Variants in NAALADL2 observed in about 807,000 individuals in gnomAD.
NAALADL2 encodes inactive N-acetylated-alpha-linked acidic dipeptidase-like protein 2.
A neutral mutation model predicts 87.2 loss-of-function variants in NAALADL2; 76 were observed. The ratio of observed to expected loss-of-function variants is 0.87; its 90% CI spans 0.72 to 1.05. The LOEUF (loss-of-function observed/expected upper bound fraction) is 1.05. Among genes scored for constraint, NAALADL2 ranks in the 50% least tolerant of loss-of-function variants. NAALADL2 has a pLI of 0.00. For synonymous variants in NAALADL2, 354 were observed against 331.0 expected, an observed-to-expected ratio of 1.07 and a Z score of -0.75; for missense variants, 1,089 against 945.8, an observed-to-expected ratio of 1.15 and a Z score of -1.99.
At chr3:175,689,863 T>A (rs1008749732) in intron 11 of NAALADL2, among the ~76,000 whole-genome samples, 2 of 152,130 alleles carry the variant, frequency 1.3e-5, no homozygotes, top group African/African-American at 4.8e-5. Flanking sequence ...AGAGTATTCT[T>A]GGATAAGAAT....
At chr3:174,961,152 T>A (rs905364562) in intron 1 of NAALADL2, among the ~76,000 whole-genome samples, 9 of 149,212 alleles carry the variant, frequency 6.0e-5, no homozygotes, top group African/African-American at 2.2e-4. Flanking sequence ...ATACAATGAT[T>A]TTCTCATTGT....
intron 3 of NAALADL2, among the ~76,000 whole-genome samples, chr3:174,787,575 T>TCATATATATATATATATATATATATA (rs1553855282): frequency 0.014 from 186 of 12,966 alleles, 4 homozygotes; most frequent in South Asian, 0.043. Context: ...CAATATATCA[T>TCATATATATATATATATATATATATA]CATATATATA....
intron 2 of NAALADL2, among the ~76,000 whole-genome samples, chr3:175,161,665 C>T (rs960061589): frequency 8.3e-6 from 1 of 120,266 alleles, no homozygotes; most frequent in Non-Finnish European, 1.6e-5. Flanking sequence ...AGATGTTAGA[C>T]AATAACAAAT....
chr3:175,160,118 T>C (rs1732930650), intron 2 of NAALADL2, among the ~76,000 whole-genome samples: 1 of 151,536 alleles, frequency 6.6e-6, no homozygotes. Context: ...AGATTACAAT[T>C]GTGAGTCACT....
chr3:175,439,536 T>A (rs1307401176), intron 5 of NAALADL2, among the ~76,000 whole-genome samples: 1 of 152,054 alleles, frequency 6.6e-6, no homozygotes, highest in East Asian at 1.9e-4. Flanking sequence ...ATGGCCATTC[T>A]TGCAGAAGCC....
chr3:175,479,415 A>G (rs1360594462), intron 9 of NAALADL2, among the ~76,000 whole-genome samples: 3 of 151,886 alleles, frequency 2.0e-5, no homozygotes, highest in Admixed American at 2.0e-4. Context: ...AAAGCTAAAT[A>G]GAACATGCAG....
chr3:175,439,732 T>C (rs1055261061), intron 5 of NAALADL2, among the ~76,000 whole-genome samples: 1 of 104,832 alleles, frequency 9.5e-6, no homozygotes, highest in Non-Finnish European at 2.4e-5. Flanking sequence ...TTTTTTTTTC[T>C]TTTTTTTCTT....
At chr3:175,258,548 T>C (rs1049294540) in intron 4 of NAALADL2, among the ~76,000 whole-genome samples, 1 of 152,144 alleles carries the variant, frequency 6.6e-6, no homozygotes, top group Non-Finnish European at 1.5e-5. Context: ...CTACCAAGCA[T>C]CAATATTTTA....
At chr3:175,360,020 A>AT (rs1764803186) in intron 5 of NAALADL2, among the ~76,000 whole-genome samples, 1 of 152,130 alleles carries the variant, frequency 6.6e-6, no homozygotes, top group Non-Finnish European at 1.5e-5. Context: ...TGTTAAATTG[A>AT]TGTCTTCTTA....
At chr3:174,887,994 A>C in intron 1 of NAALADL2, among the ~76,000 whole-genome samples, 1 of 152,166 alleles carries the variant, frequency 6.6e-6, no homozygotes, top group East Asian at 1.9e-4. Context: ...TGGGATAGAG[A>C]GGGAGTGTAT....
chr3:175,460,931 C>T (rs1723026348), intron 6 of NAALADL2, among the ~76,000 whole-genome samples: 1 of 152,216 alleles, frequency 6.6e-6, no homozygotes, highest in Non-Finnish European at 1.5e-5. Context: ...CTGCTCCTGG[C>T]TGGTGTGGCC....
chr3:175,487,685 A>G, intron 9 of NAALADL2: 1 of 338,608 alleles, frequency 3.0e-6, no homozygotes. Flanking sequence ...ATAAGTTTTC[A>G]GAATTATTAG....
At chr3:174,474,424 A>G (rs1437690463) in intron 1 of NAALADL2, among the ~76,000 whole-genome samples, 2 of 152,146 alleles carry the variant, frequency 1.3e-5, no homozygotes, top group Non-Finnish European at 2.9e-5. Context: ...TCAATGAAGA[A>G]CTAAGTATGT....
At chr3:175,128,824 ATTTTAT>A (rs1423469950) in intron 2 of NAALADL2, among the ~76,000 whole-genome samples, 1 of 152,018 alleles carries the variant, frequency 6.6e-6, no homozygotes, top group Non-Finnish European at 1.5e-5. Flanking sequence ...AATTTATTAA[ATTTTAT>A]TTTTATTTAA....
At chr3:174,621,330 A>G (rs994002052) in intron 2 of NAALADL2, among the ~76,000 whole-genome samples, 4 of 152,142 alleles carry the variant, frequency 2.6e-5, no homozygotes, top group Non-Finnish European at 4.4e-5. Context: ...AGGAAAAAAA[A>G]CGAATCAATG....
At chr3:175,638,944 T>A (rs1582729557) in intron 11 of NAALADL2, among the ~76,000 whole-genome samples, 1 of 152,230 alleles carries the variant, frequency 6.6e-6, no homozygotes, top group Admixed American at 6.5e-5. Context: ...CTTCCTTTAG[T>A]AGATTACAGT....
chr3:174,538,312 G>A (rs1721911927), intron 1 of NAALADL2, among the ~76,000 whole-genome samples: 1 of 152,028 alleles, frequency 6.6e-6, no homozygotes, highest in South Asian at 2.1e-4. Flanking sequence ...GTTCCAGCCA[G>A]GATGGGAAGT....
chr3:174,765,614 C>A (rs1713703784), intron 3 of NAALADL2, among the ~76,000 whole-genome samples: 2 of 152,142 alleles, frequency 1.3e-5, no homozygotes, highest in African/African-American at 2.4e-5. Context: ...TGTTGCTTAT[C>A]TTCAAGATCC....
intron 4 of NAALADL2, among the ~76,000 whole-genome samples, chr3:175,314,870 T>G (rs1758937652): frequency 6.6e-6 from 1 of 151,262 alleles, no homozygotes; most frequent in African/African-American, 2.4e-5. Flanking sequence ...TATCATAATT[T>G]ATTCATCAAC....
Sources: allele counts gnomAD v4.1 joint callset (sites outside exome capture counted in the v4.1 genomes callset), GRCh38; gene constraint gnomAD v4.1.1; transcripts MANE v1.5; gene names NCBI Gene and HGNC (gene_info 2026-07-23, HGNC 2026-07-21).